The following RPA3 variants were observed in gnomAD, a reference collection of about 807,000 sequenced individuals.
RPA3 encodes the protein replication protein A 14 kDa subunit.
RPA3 carries 24 observed loss-of-function variants against 13.7 expected under a neutral mutation model. The ratio of observed to expected loss-of-function variants is 1.75; its 90% CI spans 1.27 to 2.46. RPA3 has a LOEUF of 2.46. RPA3 is among the 30% of genes most tolerant of loss of function. RPA3 has a pLI of 0.00. For synonymous variants in RPA3, 59 were observed against 51.2 expected, an observed-to-expected ratio of 1.15 and a Z score of -0.65; for missense variants, 183 against 151.0, an observed-to-expected ratio of 1.21 and a Z score of -1.11.
intron 2 of RPA3, among the ~76,000 whole-genome samples, chr7:7,708,973 G>T (rs1439049695): frequency 6.6e-6 from 1 of 151,808 alleles, no homozygotes; most frequent in African/African-American, 2.4e-5. Flanking sequence ...GAAAGGGAGA[G>T]GAAGGGAGAA....
chr7:7,695,981 G>GTTT (rs34880729), intron 2 of RPA3, among the ~76,000 whole-genome samples: 9 of 130,736 alleles, frequency 6.9e-5, no homozygotes, highest in Non-Finnish European at 1.1e-4. Context: ...GTATATCTCC[G>GTTT]TTTTTTTTTT....
At chr7:7,704,428 G>A (rs1780543562) in intron 2 of RPA3, among the ~76,000 whole-genome samples, 1 of 151,774 alleles carries the variant, frequency 6.6e-6, no homozygotes, top group African/African-American at 2.4e-5. Context: ...AAGAGGTCTT[G>A]GAGATCACAG....
chr7:7,647,528 A>G (rs752474123), intron 4 of RPA3, among the ~76,000 whole-genome samples: 10 of 152,190 alleles, frequency 6.6e-5, no homozygotes, highest in Non-Finnish European at 1.5e-4. Flanking sequence ...TAATATCTCA[A>G]TTATCGATAA....
At chr7:7,717,970 T>C (rs1780957921) in intron 1 of RPA3, among the ~76,000 whole-genome samples, 1 of 152,152 alleles carries the variant, frequency 6.6e-6, no homozygotes, top group Non-Finnish European at 1.5e-5. Context: ...GTAGATTCTG[T>C]TTGTCATAGT....
rs746700518 is a variant in RPA3, at chr7:7,640,338, G to C, written c.81C>G (p.Phe27Leu). The C allele has an allele frequency of 5.6e-6, 9 of 1,613,988 alleles. No individual in the cohort carries two copies. The highest frequency in any genetic ancestry group is 1.7e-5 in the Admixed American group (1 of 60,016). Residue 27 changes from phenylalanine to leucine, a missense_variant, in exon 5 of 8, where the codon TTC (phenylalanine) becomes TTG (leucine). Transcript: ENST00000223129. ...CGCACACCTTTTCCAGCCTCCCTAC[G>C]AAGCAGACAGGCTTGTCGATGAATT... is the stretch of plus-strand genomic sequence containing the variant. ...LAQFIDKPVC[F>L]VGRLEKIHPT...
intron 4 of RPA3, among the ~76,000 whole-genome samples, chr7:7,663,259 A>C (rs1785521135): frequency 6.8e-6 from 1 of 148,068 alleles, no homozygotes; most frequent in Admixed American, 6.8e-5. Context: ...TTTGAAGCAA[A>C]CACCTAAATC....
chr7:7,688,068 T>C (rs1780081468), intron 2 of RPA3, among the ~76,000 whole-genome samples: 1 of 152,192 alleles, frequency 6.6e-6, no homozygotes, highest in African/African-American at 2.4e-5. Flanking sequence ...TTAACCCATG[T>C]TGAGTTTGGA....
At chr7:7,686,990 T>C (rs955550092) in intron 3 of RPA3, among the ~76,000 whole-genome samples, 1 of 152,214 alleles carries the variant, frequency 6.6e-6, no homozygotes, top group Non-Finnish European at 1.5e-5. Flanking sequence ...GTTGTAAGGA[T>C]AGCTGAAGAG....
Position 7,639,067 on chromosome 7 carries a change from T to A in RPA3, c.174+3A>T, listed in dbSNP as rs1476665290. The stretch of plus-strand genomic sequence containing the variant: ...TAAGAGACTTATTAACACTTAAACA[T>A]ACGGGTTCCATCAACTCGATGGTTC... On this transcript the variant is annotated splice_donor_region_variant and intron_variant, in intron 6 of 7. Coordinates refer to ENST00000223129, the MANE Select transcript of RPA3 (RefSeq NM_002947.5). 1 of 1,608,074 alleles carries A rather than the reference T, an allele frequency of 6.2e-7. No individual in the cohort carries two copies. Among genetic ancestry groups the A allele is most frequent in the East Asian group, 2.2e-5 (1 of 44,738 alleles).
chr7:7,675,761 C>T (rs1031935525), intron 4 of RPA3, among the ~76,000 whole-genome samples: 1 of 152,102 alleles, frequency 6.6e-6, no homozygotes, highest in Admixed American at 6.5e-5. Context: ...TGAGGAATCA[C>T]TTCCGTCGTA....
intron 4 of RPA3, among the ~76,000 whole-genome samples, chr7:7,646,727 G>C (rs1283410830): frequency 1.3e-5 from 2 of 151,946 alleles, no homozygotes; most frequent in African/African-American, 4.8e-5. Flanking sequence ...GAGTTCGGCT[G>C]TCCCATGGCC....
Position 7,716,856 on chromosome 7 carries a change from G to A in RPA3, c.-1079-1630C>T, listed in dbSNP as rs185834840. Reference sequence around the variant, plus strand: ...AGCTACTCGGGAGCCTGAGGCAGGAGAATGGCGTGAACCTGGGAGGCGGAG... The same window carrying A: ...AGCTACTCGGGAGCCTGAGGCAGGAAAATGGCGTGAACCTGGGAGGCGGAG... On this transcript the variant is annotated intron_variant, in intron 1 of 7. Coordinates refer to ENST00000223129, the MANE Select transcript of RPA3 (RefSeq NM_002947.5). Among the ~76,000 whole-genome samples, 428 of 152,236 alleles carry A rather than the reference G, an allele frequency of 2.8e-3. 2 individuals are homozygous for A. Among genetic ancestry groups the A allele is most frequent in the Middle Eastern group, 0.01 (3 of 294 alleles).
At chr7:7,643,834 C>A (rs1456467578) in intron 4 of RPA3, among the ~76,000 whole-genome samples, 1 of 151,982 alleles carries the variant, frequency 6.6e-6, no homozygotes, top group Non-Finnish European at 1.5e-5. Flanking sequence ...TCCTTTCTTC[C>A]TGTTTTAAGG....
intron 4 of RPA3, among the ~76,000 whole-genome samples, chr7:7,666,499 T>G (rs940408490): frequency 2.6e-5 from 4 of 152,100 alleles, no homozygotes; most frequent in African/African-American, 9.7e-5. Flanking sequence ...TGAGCCCCTG[T>G]ACCTGACCGG....
chr7:7,674,889 A>T (rs1779700234), intron 4 of RPA3, among the ~76,000 whole-genome samples: 1 of 152,046 alleles, frequency 6.6e-6, no homozygotes, highest in South Asian at 2.1e-4. Context: ...CTTCTCTCAG[A>T]ATTTTTTCCA....
intron 2 of RPA3, chr7:7,689,587 T>C (rs1197120060): frequency 6.6e-6 from 1 of 152,184 alleles, no homozygotes; most frequent in Non-Finnish European, 1.5e-5. Flanking sequence ...TGGATAATCT[T>C]TTCTTGGTAG....
intron 1 of RPA3, among the ~76,000 whole-genome samples, chr7:7,717,048 C>A (rs1456013594): frequency 1.3e-5 from 2 of 149,342 alleles, no homozygotes; most frequent in African/African-American, 5.1e-5. Context: ...CTTTTTCTTT[C>A]TTTCTTTTTT....
In RPA3 at chr7:7,684,950, A is replaced by G. The variant is rs531648077; in HGVS notation, c.-758+880T>C. 9.8e-5 allele frequency among the ~76,000 whole-genome samples: 15 copies of G among 152,338 alleles called. No individual in the cohort carries two copies. In the South Asian group the frequency reaches 2.1e-3, roughly 21 times the overall value. ...TAAGTATGCATACCATGTTATGTACATGGAATTTCTCCTACTGTTTCCTTA... is the reference window on the plus strand; with the variant it reads ...TAAGTATGCATACCATGTTATGTACGTGGAATTTCTCCTACTGTTTCCTTA... On this transcript the variant is annotated intron_variant, in intron 4 of 7. Transcript: ENST00000223129.
chr7:7,695,311 C>G (rs1337685077), intron 2 of RPA3, among the ~76,000 whole-genome samples: 1 of 152,162 alleles, frequency 6.6e-6, no homozygotes, highest in Non-Finnish European at 1.5e-5. Context: ...AGAGAATTCT[C>G]AAGCCCAGCC....
Sources: gnomAD v4.1 joint callset for allele counts (sites outside exome capture counted in the v4.1 genomes callset) on GRCh38, gnomAD v4.1.1 for gene constraint, MANE v1.5 for transcripts, NCBI Gene and HGNC (gene_info 2026-07-23, HGNC 2026-07-21) for gene names.